PRKAG2: variants seen among roughly 807,000 people sequenced by gnomAD.
The protein encoded by PRKAG2 is protein kinase AMP-activated non-catalytic subunit gamma 2, also known as 5'-AMP-activated protein kinase subunit gamma-2.
In PRKAG2, 26 loss-of-function variants were observed where a neutral mutation model predicts 69.6. The observed-to-expected ratio is 0.37, with a 90% CI of 0.27 to 0.52. The LOEUF (loss-of-function observed/expected upper bound fraction) is 0.52. PRKAG2 is among the 20% of genes least tolerant of loss of function. The probability of loss-of-function intolerance (pLI) is 0.90; values close to 1 mark genes in which losing one functional copy is unlikely to be tolerated. For synonymous variants in PRKAG2, 293 were observed against 285.0 expected, an observed-to-expected ratio of 1.03 and a Z score of -0.28; for missense variants, 557 against 740.0, an observed-to-expected ratio of 0.75 and a Z score of 2.87.
At chr7:151,727,084 A>G (rs1798101668) in intron 3 of PRKAG2, among the ~76,000 whole-genome samples, 1 of 152,030 alleles carries the variant, frequency 6.6e-6, no homozygotes, top group African/African-American at 2.4e-5. Flanking sequence ...GCATGGTGGT[A>G]TGCGCCTGTA....
Position 151,814,669 on chromosome 7 carries a change from G to T in PRKAG2, c.115-28128C>A. ...CTGCAACAGATGGGGACCGGGGCTGGGTGTGTTCCCAGTCCCCAAGGCAGC... is the reference window on the plus strand; with the variant it reads ...CTGCAACAGATGGGGACCGGGGCTGTGTGTGTTCCCAGTCCCCAAGGCAGC... On this transcript the variant is annotated intron_variant, in intron 1 of 15. Coordinates refer to ENST00000287878, the MANE Select transcript of PRKAG2 (RefSeq NM_016203.4). This position sits in a 1 kb window ranked among gnomAD's most constrained non-coding sequence, Gnocchi z 4.8. 1 of 1,231,802 alleles carries T rather than the reference G, an allele frequency of 8.1e-7. No homozygotes were observed. The allele number at this position is 1,231,802 out of a possible 1,614,324, so 76.3% of individuals were successfully genotyped here.
At chr7:151,817,541 G>C (rs2078674267) in intron 1 of PRKAG2, among the ~76,000 whole-genome samples, 1 of 151,954 alleles carries the variant, frequency 6.6e-6, no homozygotes, top group African/African-American at 2.4e-5. Context: ...AGGCTGTCAG[G>C]CCTCATGACC....
chr7:151,585,891 T>A (rs945665365), intron 6 of PRKAG2, among the ~76,000 whole-genome samples: 1 of 151,834 alleles, frequency 6.6e-6, no homozygotes, highest in Non-Finnish European at 1.5e-5. Flanking sequence ...GGCGGGTGAG[T>A]CAGCGCAGGA....
At chr7:151,854,281 C>T (rs1230302197) in intron 1 of PRKAG2, among the ~76,000 whole-genome samples, 1 of 152,248 alleles carries the variant, frequency 6.6e-6, no homozygotes, top group African/African-American at 2.4e-5. Flanking sequence ...TGCCTCCCTT[C>T]CCCCCACACA....
intron 5 of PRKAG2, among the ~76,000 whole-genome samples, chr7:151,609,253 C>G (rs1041303684): frequency 1.3e-5 from 2 of 152,084 alleles, no homozygotes; most frequent in Non-Finnish European, 2.9e-5. Context: ...CTACAGTCAT[C>G]AATTACTTTT....
At chr7:151,631,913 C>A (rs1172406764) in intron 5 of PRKAG2, 156 bp downstream of exon 5, 17 of 760,196 alleles carry the variant, frequency 2.2e-5, no homozygotes, top group Non-Finnish European at 3.0e-5. Context: ...GCGCCCGCAT[C>A]CCCGCCCCGG....
In PRKAG2 at chr7:151,560,617, C is replaced by A; in HGVS notation, c.1585G>T (p.Val529Phe). The change falls in exon 15 of 16, where the codon GTC becomes TTC. Residue 529 changes from valine (V) to phenylalanine (F), a missense_variant and splice_region_variant. Coordinates refer to ENST00000287878, the MANE Select transcript of PRKAG2 (RefSeq NM_016203.4). ...TCATTTACCACCACCAGCCGATGGA[C>A]CTGCAAAGAGAAAAGCAGGACACGT... is the stretch of plus-strand genomic sequence containing the variant. ...TIVDRIVRAE[V>F]HRLVVVNEAD... 1 of 1,613,986 alleles carries A rather than the reference C, an allele frequency of 6.2e-7. No individual in the cohort carries two copies. Among genetic ancestry groups the A allele is most frequent in the Non-Finnish European group, 8.5e-7 (1 of 1,179,914 alleles).
intron 3 of PRKAG2, among the ~76,000 whole-genome samples, chr7:151,773,454 T>C (rs1039477921): frequency 3.9e-5 from 6 of 152,212 alleles, no homozygotes; most frequent in African/African-American, 1.4e-4. Context: ...CTTTACCACT[T>C]GGTAGCTGTG....
At chr7:151,812,976 G>C (rs752270604) in intron 1 of PRKAG2, among the ~76,000 whole-genome samples, 1 of 151,372 alleles carries the variant, frequency 6.6e-6, no homozygotes, top group Non-Finnish European at 1.5e-5. Flanking sequence ...GATTTATCTA[G>C]TCCTTGGAAG....
At chr7:151,752,989 C>A (rs1195061089) in intron 3 of PRKAG2, among the ~76,000 whole-genome samples, 1 of 152,244 alleles carries the variant, frequency 6.6e-6, no homozygotes, top group Admixed American at 6.5e-5. Flanking sequence ...GGTGACCCTG[C>A]TGGGATGCAG....
At chr7:151,747,918 CTTTTTT>C (rs34915377) in intron 3 of PRKAG2, among the ~76,000 whole-genome samples, 29 of 114,268 alleles carry the variant, frequency 2.5e-4, no homozygotes, top group African/African-American at 8.7e-4. Context: ...AAAAAACTTA[CTTTTTT>C]TTTTTTTTTT....
At chr7:151,676,502 A>C (rs1832968823) in intron 3 of PRKAG2, among the ~76,000 whole-genome samples, 1 of 152,186 alleles carries the variant, frequency 6.6e-6, no homozygotes, top group African/African-American at 2.4e-5. Context: ...TTGTAGGAAG[A>C]CTGGAGACAT....
intron 3 of PRKAG2, among the ~76,000 whole-genome samples, chr7:151,717,584 G>A (rs377265778): frequency 5.3e-5 from 8 of 152,304 alleles, no homozygotes; most frequent in South Asian, 4.2e-4. Context: ...CAGACTCACC[G>A]GCTGGTACAG....
chr7:151,579,468 C>CT (rs917228838), intron 6 of PRKAG2, among the ~76,000 whole-genome samples: 5 of 152,160 alleles, frequency 3.3e-5, no homozygotes, highest in African/African-American at 1.2e-4. Context: ...CCAGAAAGTT[C>CT]TGAGTTTGGC....
At chr7:151,585,117 A>T (rs1212492919) in intron 6 of PRKAG2, among the ~76,000 whole-genome samples, 2 of 152,180 alleles carry the variant, frequency 1.3e-5, no homozygotes, top group South Asian at 4.1e-4. Context: ...TGGGGATTTT[A>T]AAAAAGCATC....
rs947850839 is a variant in PRKAG2 at position 151,679,221 on chromosome 7, G to A, written c.467-3584C>T. ...GAAATAGAGACAGTAGCCAGGGCTC[G>A]GGGAGGCCTGCCCGGGGCCTCTCAG... On this transcript the variant is annotated intron_variant, in intron 3 of 15. Coordinates refer to ENST00000287878, the MANE Select transcript of PRKAG2 (RefSeq NM_016203.4). Among the ~76,000 whole-genome samples, 4 of 152,248 alleles carry A rather than the reference G, an allele frequency of 2.6e-5. No homozygotes were observed. In the South Asian group the frequency reaches 6.2e-4, roughly 24 times the overall value.
chr7:151,573,048 G>A (rs1203504240), intron 8 of PRKAG2, among the ~76,000 whole-genome samples: 2 of 152,092 alleles, frequency 1.3e-5, no homozygotes, highest in African/African-American at 2.4e-5. Context: ...AGGAAGCAGA[G>A]GTTGCAGTGA....
intron 3 of PRKAG2, among the ~76,000 whole-genome samples, chr7:151,716,659 C>G (rs376014786): frequency 7.9e-5 from 12 of 152,318 alleles, no homozygotes; most frequent in African/African-American, 2.9e-4. Context: ...GAGGCTTAGA[C>G]ATAATCAACC....
At chr7:151,652,316 T>A (rs1245863142) in intron 4 of PRKAG2, among the ~76,000 whole-genome samples, 1 of 152,190 alleles carries the variant, frequency 6.6e-6, no homozygotes, top group African/African-American at 2.4e-5. Flanking sequence ...AAACAACATA[T>A]GGCAACAGAC....
Sources: gnomAD v4.1 joint callset for allele counts (sites outside exome capture counted in the v4.1 genomes callset) on GRCh38, gnomAD v4.1.1 for gene constraint, Gnocchi (gnomAD v3.1) non-coding constraint, MANE v1.5 for transcripts, NCBI Gene and HGNC (gene_info 2026-07-23, HGNC 2026-07-21) for gene names.